The following FSTL4 variants were observed in gnomAD, a reference collection of about 807,000 sequenced individuals.
The protein encoded by FSTL4 is follistatin-related protein 4.
Under a neutral mutation model 78.2 loss-of-function variants are expected in FSTL4, and 28 were observed. The ratio of observed to expected loss-of-function variants is 0.36; its 90% CI spans 0.27 to 0.49. FSTL4 has a LOEUF of 0.49. Among genes scored for constraint, FSTL4 ranks in the 20% least tolerant of loss-of-function variants. The pLI is 0.98. For synonymous variants in FSTL4, 422 were observed against 440.5 expected (o/e 0.96, Z 0.53); for missense variants, 922 against 1,084.9 (o/e 0.85, Z 2.11).
intron 4 of FSTL4, among the ~76,000 whole-genome samples, chr5:133,328,972 G>T (rs1330279679): frequency 6.6e-6 from 1 of 152,234 alleles, no homozygotes; most frequent in Non-Finnish European, 1.5e-5. Context: ...TAGCTGCTTT[G>T]AGCTTGAGCT....
At chr5:133,221,898 T>TGTTTTTG (rs1751126106) in intron 11 of FSTL4, among the ~76,000 whole-genome samples, 2 of 88,918 alleles carry the variant, frequency 2.2e-5, no homozygotes, top group South Asian at 7.1e-4. Flanking sequence ...CTAGTTTTTT[T>TGTTTTTG]TTTTTTTTTT....
intron 4 of FSTL4, among the ~76,000 whole-genome samples, chr5:133,390,494 A>G (rs544243757): frequency 6.6e-6 from 1 of 152,378 alleles, no homozygotes; most frequent in African/African-American, 2.4e-5. Flanking sequence ...CAGGTGCAGG[A>G]CTGGGCACAA....
At chr5:133,201,583 G>C (rs1488705393) in intron 15 of FSTL4, among the ~76,000 whole-genome samples, 1 of 152,166 alleles carries the variant, frequency 6.6e-6, no homozygotes, top group Non-Finnish European at 1.5e-5. Context: ...AGACCACTGG[G>C]ACTAGATTTT....
At chr5:133,521,795 C>T (rs1249959287) in intron 3 of FSTL4, among the ~76,000 whole-genome samples, 1 of 152,158 alleles carries the variant, frequency 6.6e-6, no homozygotes, top group East Asian at 1.9e-4. Flanking sequence ...GAGTGAGCAG[C>T]CATGACACTG....
chr5:133,396,109 C>T (rs1756036221), intron 4 of FSTL4, among the ~76,000 whole-genome samples: 1 of 152,144 alleles, frequency 6.6e-6, no homozygotes, highest in African/African-American at 2.4e-5. Flanking sequence ...CAGGAGGACC[C>T]ACCACCCCTG....
chr5:133,731,884 T>C, the FSTL4 span, among the ~76,000 whole-genome samples: 3 of 152,174 alleles, frequency 2.0e-5, no homozygotes, highest in East Asian at 1.9e-4. Context: ...ATCTCTAAAA[T>C]TGGCATTCCT....
At chr5:133,706,350 T>C in the FSTL4 span, among the ~76,000 whole-genome samples, 57 of 152,320 alleles carry the variant, frequency 3.7e-4, no homozygotes, top group African/African-American at 1.2e-3. Context: ...TACTGGAAAA[T>C]TGATGGATGA....
chr5:133,459,353 C>T (rs554512468), intron 3 of FSTL4, among the ~76,000 whole-genome samples: 1 of 151,756 alleles, frequency 6.6e-6, no homozygotes, highest in Non-Finnish European at 1.5e-5. Context: ...CAGCCACCAC[C>T]CATGAAGAGT....
chr5:133,578,150 C>G (rs1327858651), intron 2 of FSTL4, among the ~76,000 whole-genome samples: 3 of 152,082 alleles, frequency 2.0e-5, no homozygotes, highest in Non-Finnish European at 4.4e-5. Context: ...TTAAAAATAC[C>G]AAGGAAATGT....
At chr5:133,794,746 C>T in the FSTL4 span, among the ~76,000 whole-genome samples, 1 of 152,150 alleles carries the variant, frequency 6.6e-6, no homozygotes, top group African/African-American at 2.4e-5. Context: ...TGCAAGACTC[C>T]CAACCCAGCA....
At chr5:133,473,426 A>T (rs1186003087) in intron 3 of FSTL4, among the ~76,000 whole-genome samples, 5 of 152,068 alleles carry the variant, frequency 3.3e-5, no homozygotes, top group African/African-American at 1.2e-4. Flanking sequence ...ATCAGCACCG[A>T]CCAGTCATGC....
the FSTL4 span, among the ~76,000 whole-genome samples, chr5:133,815,110 G>A: frequency 4.6e-5 from 7 of 152,170 alleles, no homozygotes; most frequent in Admixed American, 1.3e-4. Flanking sequence ...GATAAGACCC[G>A]TGGCCTAAAA....
At chr5:133,838,986 G>A in the FSTL4 span, among the ~76,000 whole-genome samples, 4 of 152,202 alleles carry the variant, frequency 2.6e-5, no homozygotes, top group African/African-American at 4.8e-5. Flanking sequence ...GTCCTTGATA[G>A]GAGGTTGGTC....
At chr5:133,530,883 G>A (rs1394682083) in intron 3 of FSTL4, among the ~76,000 whole-genome samples, 1 of 152,192 alleles carries the variant, frequency 6.6e-6, no homozygotes, top group Non-Finnish European at 1.5e-5. Context: ...GGCCCTGAGT[G>A]GGCTCTCCGT....
the FSTL4 span, among the ~76,000 whole-genome samples, chr5:133,664,819 C>T: frequency 2.0e-5 from 3 of 152,176 alleles, no homozygotes; most frequent in African/African-American, 7.2e-5. Context: ...CTTAGAGCAT[C>T]ATGAATCACT....
At chr5:133,644,169 G>A in the FSTL4 span, among the ~76,000 whole-genome samples, 17 of 152,198 alleles carry the variant, frequency 1.1e-4, 1 homozygote, top group Admixed American at 4.6e-4. Flanking sequence ...ACACAGAGGA[G>A]ATGCGTAATC....
intron 6 of FSTL4, among the ~76,000 whole-genome samples, chr5:133,262,963 C>A (rs1012810653): frequency 1.7e-4 from 26 of 151,974 alleles, no homozygotes; most frequent in Non-Finnish European, 3.5e-4. Context: ...GAGGAGGCTG[C>A]CACCCAGGCA....
chr5:133,786,183 G>T, the FSTL4 span, among the ~76,000 whole-genome samples: 4 of 152,122 alleles, frequency 2.6e-5, no homozygotes, highest in Admixed American at 2.0e-4. Flanking sequence ...TCCTCCCCAG[G>T]TGCCTACCAG....
chr5:133,636,162 G>T, the FSTL4 span, among the ~76,000 whole-genome samples: 3 of 152,186 alleles, frequency 2.0e-5, no homozygotes, highest in African/African-American at 7.2e-5. Context: ...CTGGCTTCTG[G>T]TTATATTCAA....
Sources: gnomAD v4.1 joint callset for allele counts (sites outside exome capture counted in the v4.1 genomes callset) on GRCh38, gnomAD v4.1.1 for gene constraint, MANE v1.5 for transcripts, NCBI Gene and HGNC (gene_info 2026-07-23, HGNC 2026-07-21) for gene names.